Variants in ANXA4 observed in about 807,000 individuals in gnomAD.
ANXA4 encodes 35-beta calcimedin.
Under a neutral mutation model 49.8 loss-of-function variants are expected in ANXA4, and 39 were observed. That is an observed-to-expected ratio of 0.78 (90% CI 0.61 to 1.02). The LOEUF (loss-of-function observed/expected upper bound fraction) is 1.02. Among genes scored for constraint, ANXA4 ranks in the 50% least tolerant of loss-of-function variants. The probability of loss-of-function intolerance (pLI) is 0.00; values close to 1 mark genes in which losing one functional copy is unlikely to be tolerated. For missense variants in ANXA4, 360 were observed against 410.1 expected, an observed-to-expected ratio of 0.88 and a Z score of 1.05; for synonymous variants, 134 against 152.5, an observed-to-expected ratio of 0.88 and a Z score of 0.89.
At chr2:69,657,273 CA>C (rs1676540073) in intron 2 of ANXA4, among the ~76,000 whole-genome samples, 1 of 152,054 alleles carries the variant, frequency 6.6e-6, no homozygotes. Flanking sequence ...GATTTACAAG[CA>C]TGAGCCACCG....
chr2:69,694,594 A>C (rs1012189012), intron 2 of ANXA4, among the ~76,000 whole-genome samples: 2 of 133,240 alleles, frequency 1.5e-5, no homozygotes, highest in African/African-American at 2.9e-5. Flanking sequence ...TCATTGTTCA[A>C]TTCCCACCTA....
intron 1 of ANXA4, among the ~76,000 whole-genome samples, chr2:69,765,621 A>G (rs141860716): frequency 6.6e-6 from 1 of 152,258 alleles, no homozygotes; most frequent in Non-Finnish European, 1.5e-5. Context: ...CTAGCACTAT[A>G]TATTAGCTTT....
rs150628560 is a variant in ANXA4, at chr2:69,657,104, C to T, written n.766+3822C>T. On this transcript the variant is annotated intron_variant and non_coding_transcript_variant, in intron 2 of 3. Transcript: ENST00000418066. ...CCACCTCCTGGGTTCAAGCAATTCT[C>T]CTGGCTCAGCCTCCCGAGTAGCTGG... Among the ~76,000 whole-genome samples the T allele has an allele frequency of 6.2e-3, 942 of 151,606 alleles. 20 individuals carry two copies. Among genetic ancestry groups the T allele is most frequent in the East Asian group, 0.011 (56 of 5,146 alleles).
chr2:69,766,914 G>A (rs1671514720), intron 1 of ANXA4, among the ~76,000 whole-genome samples: 1 of 152,164 alleles, frequency 6.6e-6, no homozygotes, highest in African/African-American at 2.4e-5. Context: ...TGGGAGAAAT[G>A]CACTCTTTCT....
intron 3 of ANXA4, among the ~76,000 whole-genome samples, chr2:69,794,546 T>TGTTATGTTAC (rs1325655274): frequency 7.9e-6 from 1 of 126,498 alleles, no homozygotes. Context: ...TGTTATGTTA[T>TGTTATGTTAC]GTTATGTTAT....
At chr2:69,662,310 A>G (rs1676752455) in intron 2 of ANXA4, among the ~76,000 whole-genome samples, 1 of 152,204 alleles carries the variant, frequency 6.6e-6, no homozygotes, top group Admixed American at 6.5e-5. Flanking sequence ...ACATCCAGGC[A>G]GAAGTTACAA....
intron 1 of ANXA4, among the ~76,000 whole-genome samples, chr2:69,769,546 T>C (rs1217403399): frequency 6.6e-6 from 1 of 152,232 alleles, no homozygotes; most frequent in Non-Finnish European, 1.5e-5. Context: ...GTTTAATAAG[T>C]GTTCCCTCCC....
At chr2:69,645,430 G>A (rs1396795) in intron 1 of ANXA4, among the ~76,000 whole-genome samples, 21,335 of 152,158 alleles carry the variant, frequency 0.14, 3,218 homozygotes, top group East Asian at 0.39. Context: ...GAAGTTTGAA[G>A]CAGATCTTAA....
intron 7 of ANXA4, 146 bp downstream of exon 7, chr2:69,810,819 C>A: frequency 1.5e-6 from 1 of 656,890 alleles, no homozygotes; most frequent in Non-Finnish European, 2.7e-6. Flanking sequence ...TATCTTATTT[C>A]TCCTTCAGAG....
chr2:69,714,340 G>A (rs1182958781), intron 2 of ANXA4, among the ~76,000 whole-genome samples: 7 of 152,184 alleles, frequency 4.6e-5, no homozygotes, highest in Non-Finnish European at 7.3e-5. Context: ...GGAAGGATGC[G>A]GTGAGGACCA....
rs1428498775 is a variant in ANXA4 at position 69,810,603 on chromosome 2, G to A, written c.407G>A (p.Arg136Gln). 1.4e-5 allele frequency: 23 copies of A among 1,613,730 alleles called. No homozygotes were observed. The highest frequency in any genetic ancestry group is 6.6e-5 in the South Asian group (6 of 91,072). ...TTCACTCTCTTGCTAGAATATGGAC[G>A]GAGCCTTGAAGATGACATTCGCTCT... is the stretch of plus-strand genomic sequence containing the variant. ...ISQTYQQQYGRSLEDDIRSDT... is the reference protein window; with the variant it reads ...ISQTYQQQYGQSLEDDIRSDT... Residue 136 changes from arginine (R) to glutamine (Q), a missense_variant, in exon 7 of 13, where the codon CGG becomes CAG. By Grantham distance (43) the Arg-to-Gln change is conservative. Transcript: ENST00000394295.
chr2:69,790,531 C>T (rs13388084), intron 3 of ANXA4, among the ~76,000 whole-genome samples: 38,518 of 151,986 alleles, frequency 0.25, 4,933 homozygotes, highest in East Asian at 0.33. Context: ...GCACTATAGG[C>T]CGTAACCATG....
intron 3 of ANXA4, among the ~76,000 whole-genome samples, chr2:69,733,952 GCT>G (rs1491550706): frequency 6.6e-6 from 1 of 151,506 alleles, no homozygotes; most frequent in Non-Finnish European, 1.5e-5. Context: ...TATGGGATGA[GCT>G]ATTTTTTTTT....
upstream of ANXA4, among the ~76,000 whole-genome samples, chr2:69,741,724 G>A (rs138247232): frequency 6.6e-6 from 1 of 152,232 alleles, no homozygotes; most frequent in African/African-American, 2.4e-5. Flanking sequence ...AGCTGGGCGC[G>A]GCAGGCGCAG....
At chr2:69,819,929 A>C (rs1288986811) in intron 11 of ANXA4, among the ~76,000 whole-genome samples, 2 of 151,820 alleles carry the variant, frequency 1.3e-5, no homozygotes, top group African/African-American at 4.8e-5. Flanking sequence ...TTAGTCAGGT[A>C]TGGTGGCTCA....
intron 3 of ANXA4, among the ~76,000 whole-genome samples, chr2:69,800,788 G>A (rs185793176): frequency 3.9e-5 from 6 of 152,278 alleles, no homozygotes; most frequent in Admixed American, 1.3e-4. Context: ...AAGTGGCCTC[G>A]TCTGGGGTGA....
chr2:69,770,927 AT>A (rs1671682553), intron 1 of ANXA4, among the ~76,000 whole-genome samples: 2 of 138,470 alleles, frequency 1.4e-5, no homozygotes, highest in Admixed American at 7.4e-5. Flanking sequence ...TGTCTAGAAA[AT>A]TTAAAAAAAA....
chr2:69,675,771 C>A (rs1406882741), intron 2 of ANXA4, among the ~76,000 whole-genome samples: 1 of 152,064 alleles, frequency 6.6e-6, no homozygotes, highest in African/African-American at 2.4e-5. Flanking sequence ...TAAAATGAAT[C>A]CCAGCACTTT....
intron 1 of ANXA4, among the ~76,000 whole-genome samples, chr2:69,645,387 C>T (rs555309412): frequency 3.6e-4 from 55 of 152,358 alleles, no homozygotes; most frequent in African/African-American, 1.3e-3. Context: ...ATGTTCTCTG[C>T]ACTTTCCTTA....
Sources: gnomAD v4.1 joint callset for allele counts (sites outside exome capture counted in the v4.1 genomes callset) on GRCh38, gnomAD v4.1.1 for gene constraint, MANE v1.5 for transcripts, NCBI Gene and HGNC (gene_info 2026-07-23, HGNC 2026-07-21) for gene names.